Variants in CACNA1E observed in about 807,000 individuals in gnomAD.
CACNA1E encodes calcium voltage-gated channel subunit alpha1 E, also known as voltage-dependent R-type calcium channel subunit alpha-1E.
Under a neutral mutation model 259.2 loss-of-function variants are expected in CACNA1E, and 40 were observed. The observed-to-expected ratio is 0.15, with a 90% CI of 0.12 to 0.20. The LOEUF (loss-of-function observed/expected upper bound fraction) is 0.20, where lower values mean the gene tolerates loss of function less well. Ranked by LOEUF, CACNA1E falls within the 10% of genes least tolerant of loss-of-function variation. The pLI is 1.00. For synonymous variants in CACNA1E, 1,104 were observed against 1,138.5 expected (o/e 0.97, Z 0.61); for missense variants, 1,874 against 3,040.1 (o/e 0.62, Z 9.02).
chr1:181,456,278 G>A (rs1159250742), intron 2 of CACNA1E, among the ~76,000 whole-genome samples: 1 of 152,084 alleles, frequency 6.6e-6, no homozygotes, highest in Non-Finnish European at 1.5e-5. Context: ...AGGCTGGGGA[G>A]GTCACAGAGG....
rs142408576 is a variant in CACNA1E, at chr1:181,507,035, T to C, written c.267-3442T>C. ...CTCAAGGGCATATATATCTGAACAA[T>C]TTTAAAAATGTAAAGCAAAAAAAAA... On this transcript the variant is annotated intron_variant, in intron 1 of 47. Coordinates refer to ENST00000367573, the MANE Select transcript of CACNA1E (RefSeq NM_001205293.3). Among the ~76,000 whole-genome samples the C allele has an allele frequency of 1.9e-4, 29 of 150,530 alleles. No homozygotes were observed. In the East Asian group the frequency reaches 5.0e-3, roughly 26 times the overall value.
chr1:181,597,830 T>G lies in CACNA1E; in HGVS notation c.951+17054T>G, dbSNP rs1048607235. Among the ~76,000 whole-genome samples, 3 of 151,480 alleles carry G rather than the reference T, an allele frequency of 2.0e-5. No homozygotes were observed. The East Asian group carries it at 6.4e-4, about 32-fold the overall frequency. ...AAGAGCTTGTACAGAAAAACTCCCA[T>G]TTTTTAAGTAATCAGATCTTGTGAG... On this transcript the variant is annotated intron_variant, in intron 6 of 47. Transcript: ENST00000367573.
At chr1:181,640,776 AG>A (rs1657675130) in intron 6 of CACNA1E, among the ~76,000 whole-genome samples, 1 of 152,236 alleles carries the variant, frequency 6.6e-6, no homozygotes, top group Non-Finnish European at 1.5e-5. Flanking sequence ...AAACTTATAT[AG>A]GCTTGTGAAG....
At chr1:181,374,749 GAGCAACTGAGC>G (rs1411793835) in intron 1 of CACNA1E, among the ~76,000 whole-genome samples, 1 of 152,170 alleles carries the variant, frequency 6.6e-6, no homozygotes, top group African/African-American at 2.4e-5. Context: ...TTACAAGTGT[GAGCAACTGAGC>G]ATGGCTGAAA....
chr1:181,757,520 A>T (rs1010324534), intron 30 of CACNA1E, among the ~76,000 whole-genome samples: 2 of 152,184 alleles, frequency 1.3e-5, no homozygotes, highest in Non-Finnish European at 2.9e-5. Context: ...AGGTTTCAAA[A>T]GCTGTTTTTG....
intron 2 of CACNA1E, among the ~76,000 whole-genome samples, chr1:181,429,973 A>G (rs1011902852): frequency 9.9e-5 from 15 of 152,258 alleles, no homozygotes; most frequent in African/African-American, 3.6e-4. Context: ...CTGCCCAGCC[A>G]GACACAGCCT....
chr1:181,705,609 C>CT lies in CACNA1E; in HGVS notation c.1056-5344dup, dbSNP rs373711070. ...ATGCAAGAGCCGTATGTGAGGGGAC[C>CT]TACAGGTTATCCTCCCTCAGAGGAG... On this transcript the variant is annotated intron_variant, in intron 7 of 47. Coordinates refer to ENST00000367573, the MANE Select transcript of CACNA1E (RefSeq NM_001205293.3). Among the ~76,000 whole-genome samples, 311 of 152,316 alleles carry CT rather than the reference C, an allele frequency of 2.0e-3. 1 individual carries two copies. The highest frequency in any genetic ancestry group is 7.4e-3 in the African/African-American group (307 of 41,564).
In CACNA1E at chr1:181,731,269, C is replaced by T. The variant is rs74127833; in HGVS notation, c.2297+38C>T. 9.0e-4 allele frequency: 1,372 copies of T among 1,527,178 alleles called. 12 individuals carry two copies. In the African/African-American group the frequency reaches 0.015, roughly 16 times the overall value. The allele number at this position is 1,527,178 out of a possible 1,614,324, so 94.6% of individuals were successfully genotyped here. ...CAGTTTGCGTGTTTGTGAGTGGTTA[C>T]GTGTGGGCGTGGGACAATGTGTCAT... On this transcript the variant is annotated intron_variant, in intron 19 of 47. Transcript: ENST00000367573.
intron 3 of CACNA1E, among the ~76,000 whole-genome samples, chr1:181,555,212 C>A (rs1648594070): frequency 6.6e-6 from 1 of 152,200 alleles, no homozygotes; most frequent in Non-Finnish European, 1.5e-5. Context: ...ATAAGACACT[C>A]AGAGGTATGA....
chr1:181,737,304 C>G (rs1196146072), intron 22 of CACNA1E, among the ~76,000 whole-genome samples: 5 of 152,186 alleles, frequency 3.3e-5, no homozygotes, highest in African/African-American at 1.2e-4. Context: ...GATAATGTAT[C>G]TTGGCTTGCG....
chr1:181,739,366 C>T lies in CACNA1E; in HGVS notation c.3719+113C>T. The T allele has an allele frequency of 9.0e-6, 7 of 780,634 alleles. No individual in the cohort carries two copies. In the South Asian group the frequency reaches 1.1e-4, roughly 12 times the overall value. The allele number at this position is 780,634 out of a possible 1,614,324, so 48.4% of individuals were successfully genotyped here. A position where few individuals can be genotyped will look rare whatever the true frequency, so the allele number is the denominator to read the frequency against. On this transcript the variant is annotated intron_variant, in intron 25 of 47. Coordinates refer to ENST00000367573, the MANE Select transcript of CACNA1E (RefSeq NM_001205293.3). ...ATGCAGGGTGATGCCAAAGAATGCC[C>T]CCGCTGGAAATCTGCTCCCCAGTCG... is the stretch of plus-strand genomic sequence containing the variant.
chr1:181,582,854 C>G (rs1402637992), intron 6 of CACNA1E, among the ~76,000 whole-genome samples: 2 of 152,030 alleles, frequency 1.3e-5, no homozygotes, highest in East Asian at 3.9e-4. Context: ...GCTCCTCTCT[C>G]TAGTTTTGCT....
chr1:181,641,721 T>TG (rs2102005740), intron 6 of CACNA1E, among the ~76,000 whole-genome samples: 1 of 143,156 alleles, frequency 7.0e-6, no homozygotes, highest in East Asian at 2.0e-4. Flanking sequence ...TTTTTTTTTT[T>TG]TTTTTTTTTT....
intron 3 of CACNA1E, among the ~76,000 whole-genome samples, chr1:181,525,046 AAAT>A (rs1306196580): frequency 6.6e-6 from 1 of 152,256 alleles, no homozygotes; most frequent in African/African-American, 2.4e-5. Flanking sequence ...CTAGAAAGAT[AAAT>A]AATAAGATAC....
At chr1:181,719,008 G>C (rs939048304) in intron 12 of CACNA1E, among the ~76,000 whole-genome samples, 1 of 152,180 alleles carries the variant, frequency 6.6e-6, no homozygotes, top group Non-Finnish European at 1.5e-5. Flanking sequence ...TAAAGATTTT[G>C]AACACTTGCT....
chr1:181,375,540 A>G (rs1356698901), intron 1 of CACNA1E, among the ~76,000 whole-genome samples: 1 of 152,220 alleles, frequency 6.6e-6, no homozygotes, highest in Non-Finnish European at 1.5e-5. Flanking sequence ...TACTTCGTCT[A>G]TTCTAGGAAC....
intron 6 of CACNA1E, among the ~76,000 whole-genome samples, chr1:181,604,289 G>A (rs1156536445): frequency 6.6e-6 from 1 of 152,160 alleles, no homozygotes; most frequent in African/African-American, 2.4e-5. Flanking sequence ...CCCTTCTTTT[G>A]GAGGAGTAAC....
intron 7 of CACNA1E, among the ~76,000 whole-genome samples, chr1:181,687,852 T>G (rs1266192431): frequency 6.6e-6 from 1 of 152,188 alleles, no homozygotes. Flanking sequence ...ATGATTTAAC[T>G]AGAATCACAT....
chr1:181,509,746 T>G (rs978701723), intron 1 of CACNA1E, among the ~76,000 whole-genome samples: 1 of 152,170 alleles, frequency 6.6e-6, no homozygotes, highest in East Asian at 1.9e-4. Flanking sequence ...CATTCATTCA[T>G]TGTAGTGTGG....
Sources: gnomAD v4.1 joint callset for allele counts (sites outside exome capture counted in the v4.1 genomes callset) on GRCh38, gnomAD v4.1.1 for gene constraint, MANE v1.5 for transcripts, NCBI Gene and HGNC (gene_info 2026-07-23, HGNC 2026-07-21) for gene names.